STK32B: variants seen among roughly 807,000 people sequenced by gnomAD.
STK32B encodes serine/threonine kinase 32B.
Under a neutral mutation model 52.6 loss-of-function variants are expected in STK32B, and 43 were observed. That is an observed-to-expected ratio of 0.82 (90% CI 0.64 to 1.05). STK32B has a LOEUF of 1.05. Ranked by LOEUF, STK32B falls within the 50% of genes least tolerant of loss-of-function variation. The pLI, the probability that STK32B is intolerant of heterozygous loss-of-function variation, is 0.00. For synonymous variants in STK32B, 238 were observed against 204.3 expected (o/e 1.17, Z -1.41); for missense variants, 621 against 534.6 (o/e 1.16, Z -1.59).
chr4:5,461,573 A>T (rs1717027127), intron 9 of STK32B, among the ~76,000 whole-genome samples: 1 of 152,166 alleles, frequency 6.6e-6, no homozygotes, highest in Admixed American at 6.5e-5. Context: ...ACCGAAGCCA[A>T]GCCTGGCTGA....
At chr4:5,204,391 C>A (rs945890603) in intron 3 of STK32B, among the ~76,000 whole-genome samples, 1 of 150,450 alleles carries the variant, frequency 6.6e-6, no homozygotes, top group African/African-American at 2.4e-5. Context: ...AACAGAGTGT[C>A]CTGGGGTTTT....
intron 3 of STK32B, among the ~76,000 whole-genome samples, chr4:5,269,184 A>G (rs1451235727): frequency 6.6e-6 from 1 of 152,194 alleles, no homozygotes. Context: ...AGTGCTGATC[A>G]GTGGATGTGT....
chr4:5,424,922 A>G (rs911445301), intron 6 of STK32B, among the ~76,000 whole-genome samples: 3 of 152,142 alleles, frequency 2.0e-5, no homozygotes, highest in South Asian at 4.1e-4. Flanking sequence ...GGGGCTCTGC[A>G]TTTCCTGGCA....
At chr4:5,163,153 A>G (rs1176468202) in intron 2 of STK32B, among the ~76,000 whole-genome samples, 2 of 152,162 alleles carry the variant, frequency 1.3e-5, no homozygotes, top group Non-Finnish European at 2.9e-5. Context: ...GTGGGACAGG[A>G]GAAGGCTTGC....
the STK32B span, among the ~76,000 whole-genome samples, chr4:5,034,100 C>G: frequency 1.8e-4 from 27 of 152,162 alleles, no homozygotes; most frequent in African/African-American, 6.5e-4. Context: ...CGTTTCCAGG[C>G]GGGGACATAG....
chr4:5,480,216 T>C (rs1203011501), intron 11 of STK32B, among the ~76,000 whole-genome samples: 1 of 152,172 alleles, frequency 6.6e-6, no homozygotes, highest in Non-Finnish European at 1.5e-5. Flanking sequence ...ACACACACTG[T>C]TCACAAAAAG....
intron 4 of STK32B, among the ~76,000 whole-genome samples, chr4:5,356,442 G>A (rs1734173835): frequency 6.6e-6 from 1 of 152,118 alleles, no homozygotes; most frequent in Non-Finnish European, 1.5e-5. Flanking sequence ...ACATAGATTT[G>A]GGAAGACACC....
At chr4:5,463,268 G>T (rs960083753) in intron 9 of STK32B, among the ~76,000 whole-genome samples, 1 of 152,244 alleles carries the variant, frequency 6.6e-6, no homozygotes, top group Non-Finnish European at 1.5e-5. Flanking sequence ...GGCACAAATT[G>T]CCTAATTAGC....
In STK32B at chr4:5,500,876, T is replaced by A. The variant is rs756569551; in HGVS notation, c.*1793T>A. 1.3e-5 allele frequency: 2 copies of A among 152,218 alleles called. No individual in the cohort carries two copies. Among genetic ancestry groups the A allele is most frequent in the South Asian group, 2.1e-4 (1 of 4,824 alleles). 9.4% of individuals were successfully genotyped at this position (152,218 alleles called of 1,614,324 possible). ...CTCTTAAGATGATGATGGTTTTTTT[T>A]ATTGGGCTGAGTTCACGAATTAGGG... is the stretch of plus-strand genomic sequence containing the variant. On this transcript the variant is annotated 3_prime_UTR_variant, in exon 12 of 12. Transcript: ENST00000282908.
At chr4:5,124,065 C>A (rs542980802) in intron 1 of STK32B, among the ~76,000 whole-genome samples, 4 of 152,210 alleles carry the variant, frequency 2.6e-5, no homozygotes, top group African/African-American at 9.6e-5. Flanking sequence ...ATTCTCATAT[C>A]ATCTATTCAA....
chr4:5,132,012 A>G (rs547202329), intron 1 of STK32B, among the ~76,000 whole-genome samples: 8 of 152,312 alleles, frequency 5.3e-5, no homozygotes, highest in Admixed American at 5.2e-4. Flanking sequence ...CAGAGTCCTC[A>G]TAAGAGGGAG....
intron 3 of STK32B, among the ~76,000 whole-genome samples, chr4:5,201,687 C>T (rs570902333): frequency 2.0e-5 from 3 of 152,254 alleles, no homozygotes; most frequent in Non-Finnish European, 2.9e-5. Context: ...AACTTACAAT[C>T]GTGGCAGAAG....
intron 3 of STK32B, among the ~76,000 whole-genome samples, chr4:5,241,803 A>C (rs1725046698): frequency 6.6e-6 from 1 of 151,862 alleles, no homozygotes; most frequent in Admixed American, 6.6e-5. Context: ...TTCAATTCCC[A>C]CTTATCAGTG....
rs1046585177 is a variant in STK32B at position 5,436,582 on chromosome 4, A to C, written c.563-10091A>C. ...GGTCCAGAGGCCCAGCTGGGAAGCT[A>C]TGCTGCTCCTAGGGGACTAGAAGGG... On this transcript the variant is annotated intron_variant, in intron 6 of 11. Coordinates refer to ENST00000282908, the MANE Select transcript of STK32B (RefSeq NM_018401.3). 1.4e-5 allele frequency: 14 copies of C among 985,300 alleles called. No homozygotes were observed. In the African/African-American group the frequency reaches 2.4e-4, roughly 17 times the overall value. The allele number at this position is 985,300 out of a possible 1,614,324, so 61.0% of individuals were successfully genotyped here. A position where few individuals can be genotyped will look rare whatever the true frequency, so the allele number is the denominator to read the frequency against.
intron 2 of STK32B, 24 bp downstream of exon 2, chr4:5,139,984 A>G (rs754906492): frequency 6.2e-6 from 10 of 1,613,922 alleles, no homozygotes; most frequent in Admixed American, 1.7e-5. Flanking sequence ...TGTCTGGACC[A>G]CTGGGCTTAA....
At chr4:5,370,446 CAG>C (rs1429721588) in intron 4 of STK32B, among the ~76,000 whole-genome samples, 1 of 152,114 alleles carries the variant, frequency 6.6e-6, no homozygotes, top group Non-Finnish European at 1.5e-5. Context: ...GAGAGTGAGT[CAG>C]AGGTTTGTTT....
At position 5,226,882 on chromosome 4, in the gene STK32B, G is replaced by A. The variant is rs116734511; in HGVS notation, c.260+58432G>A. 5.1e-4 allele frequency among the ~76,000 whole-genome samples: 78 copies of A among 152,208 alleles called. 1 individual carries two copies. Among genetic ancestry groups the A allele is most frequent in the African/African-American group, 1.8e-3 (76 of 41,536 alleles). ...GGGGGTCTTGGAACATATACTCCGT[G>A]GATAAGGTGGGACTACTGTAACATA... On this transcript the variant is annotated intron_variant, in intron 3 of 11. Transcript: ENST00000282908.
chr4:5,463,674 C>T (rs1429145310), intron 9 of STK32B, among the ~76,000 whole-genome samples: 1 of 152,106 alleles, frequency 6.6e-6, no homozygotes, highest in Non-Finnish European at 1.5e-5. Context: ...AGCAAGCCCC[C>T]TACCACATGC....
intron 1 of STK32B, among the ~76,000 whole-genome samples, chr4:5,096,374 C>G (rs546176568): frequency 7.9e-5 from 12 of 152,326 alleles, no homozygotes; most frequent in African/African-American, 2.2e-4. Flanking sequence ...GGTGCAGGAG[C>G]CAGCACGTGG....
Sources: gnomAD v4.1 joint callset for allele counts (sites outside exome capture counted in the v4.1 genomes callset) on GRCh38, gnomAD v4.1.1 for gene constraint, MANE v1.5 for transcripts, NCBI Gene and HGNC (gene_info 2026-07-23, HGNC 2026-07-21) for gene names.